The following RYR1 variants were observed in gnomAD, a reference collection of about 807,000 sequenced individuals.
The protein encoded by RYR1 is ryanodine receptor 1.
In RYR1, 342 loss-of-function variants were observed where a neutral mutation model predicts 583.5. The observed-to-expected ratio is 0.59, with a 90% CI of 0.54 to 0.64. The LOEUF (loss-of-function observed/expected upper bound fraction) is 0.64. Ranked by LOEUF, RYR1 falls within the 30% of genes least tolerant of loss-of-function variation. The pLI is 0.00. For missense variants in RYR1, 6,032 were observed against 6,917.2 expected (o/e 0.87, Z 4.54); for synonymous variants, 2,791 against 2,822.5 (o/e 0.99, Z 0.35).
At chr19:38,482,907 AT>A in intron 31 of RYR1, 119 bp from the exon 32 acceptor site, 1 of 888,270 alleles carries the variant, frequency 1.1e-6, no homozygotes, top group Non-Finnish European at 1.9e-6. Context: ...CCTCTGAGCC[AT>A]TTTGGAGCCT....
At chr19:38,569,077 C>T (rs1236479940) in intron 93 of RYR1, among the ~76,000 whole-genome samples, 1 of 152,000 alleles carries the variant, frequency 6.6e-6, no homozygotes, top group East Asian at 2.0e-4. Flanking sequence ...GTGGCACAAT[C>T]TCGGCTCACT....
chr19:38,569,115 A>G lies in RYR1; in HGVS notation c.13659+1198A>G, dbSNP rs373520003. Among the ~76,000 whole-genome samples the G allele has an allele frequency of 1.1e-3, 171 of 151,744 alleles. 2 individuals carry two copies. In the South Asian group the frequency reaches 0.023, roughly 20 times the overall value. ...AAGCTCTGACTCCTGGGTTCACGCCATTCTCCTGCCTCAGCCTCCCGAGTA... is the reference window on the plus strand; with the variant it reads ...AAGCTCTGACTCCTGGGTTCACGCCGTTCTCCTGCCTCAGCCTCCCGAGTA... On this transcript the variant is annotated intron_variant, in intron 93 of 105. Transcript: ENST00000359596.
At position 38,565,500 on chromosome 19, in the gene RYR1, A is replaced by ACGAGGTGCACGG; in HGVS notation, c.13171_13182dup (p.Val4391_Glu4394dup). 2.0e-6 allele frequency: 3 copies of ACGAGGTGCACGG among 1,505,194 alleles called. No individual in the cohort carries two copies. The highest frequency in any genetic ancestry group is 2.6e-6 in the Non-Finnish European group (3 of 1,134,548). The allele number at this position is 1,505,194 out of a possible 1,614,324, so 93.2% of individuals were successfully genotyped here. A position where few individuals can be genotyped will look rare whatever the true frequency, so the allele number is the denominator to read the frequency against. The stretch of plus-strand genomic sequence containing the variant: ...GCAGGCATGCCCGACCCCACCAGCG[A>ACGAGGTGCACGG]CGAGGTGCACGGCGAGCAGCCGGCC... On this transcript the variant is annotated inframe_insertion, in exon 91 of 106. Coordinates refer to ENST00000359596, the MANE Select transcript of RYR1 (RefSeq NM_000540.3). The surrounding 1 kb of genome is among the most constrained non-coding windows in gnomAD (Gnocchi z 4.7).
intron 31 of RYR1, among the ~76,000 whole-genome samples, chr19:38,481,697 G>C (rs1969018210): frequency 2.0e-5 from 3 of 152,038 alleles, no homozygotes; most frequent in Admixed American, 2.0e-4. Context: ...GAGGCAGGAG[G>C]ATCACCTGAG....
chr19:38,463,401 A>G (rs1967893052), intron 20 of RYR1, 22 bp from the exon 21 acceptor site: 1 of 1,607,872 alleles, frequency 6.2e-7, no homozygotes, highest in Non-Finnish European at 8.5e-7. Context: ...TTGGGGTCTC[A>G]AGAACGTCCC....
In RYR1 at chr19:38,496,670, A is replaced by T; in HGVS notation, c.6796+129A>T. 1 of 1,275,740 alleles carries T rather than the reference A, an allele frequency of 7.8e-7. No homozygotes were observed. The highest frequency in any genetic ancestry group is 1.1e-6 in the Non-Finnish European group (1 of 885,782). 79.0% of individuals were successfully genotyped at this position (1,275,740 alleles called of 1,614,324 possible). On this transcript the variant is annotated intron_variant, in intron 41 of 105. Coordinates refer to ENST00000359596, the MANE Select transcript of RYR1 (RefSeq NM_000540.3). This position sits in a 1 kb window ranked among gnomAD's most constrained non-coding sequence, Gnocchi z 4.8. ...CTCTCAACTGTGGTTCTGGCCCTGTAATGAGTAATGCTGGGGACACAATAG... is the reference window on the plus strand; with the variant it reads ...CTCTCAACTGTGGTTCTGGCCCTGTTATGAGTAATGCTGGGGACACAATAG...
chr19:38,525,540 G>A (rs1971431181), intron 71 of RYR1, 38 bp downstream of exon 71: 2 of 1,605,070 alleles, frequency 1.2e-6, no homozygotes, highest in South Asian at 2.2e-5. Context: ...CTTCCAGGAT[G>A]CCGCCCAGCA....
intron 9 of RYR1, 109 bp from the exon 10 acceptor site, chr19:38,448,246 A>G: frequency 7.9e-7 from 1 of 1,262,224 alleles, no homozygotes; most frequent in Non-Finnish European, 1.1e-6. Flanking sequence ...AGCTTGGGCA[A>G]CATAGCAAGA....
At chr19:38,461,721 GAAA>G (rs34209906) in intron 20 of RYR1, among the ~76,000 whole-genome samples, 2 of 75,104 alleles carry the variant, frequency 2.7e-5, no homozygotes, top group African/African-American at 5.3e-5. Flanking sequence ...GCAAAACCCT[GAAA>G]AAAAAAAAAA....
At chr19:38,458,340 G>A (rs1414314994) in intron 18 of RYR1, 48 bp downstream of exon 18, 1 of 1,579,262 alleles carries the variant, frequency 6.3e-7, no homozygotes, top group Admixed American at 1.7e-5. Context: ...ATTGACCCCA[G>A]CATTTCTAAG....
rs567160666 is a variant in RYR1, at chr19:38,507,490, G to A, written c.8817-222G>A. ...CGGGGAACAGAGGTGGGGCCAAAGG[G>A]GAGGAGGCTGAGAGGGGCCGGCCCT... is the stretch of plus-strand genomic sequence containing the variant. On this transcript the variant is annotated intron_variant, in intron 57 of 105. Transcript: ENST00000359596. Among the ~76,000 whole-genome samples, 13 of 150,930 alleles carry A rather than the reference G, an allele frequency of 8.6e-5. No homozygotes were observed. The East Asian group carries it at 1.6e-3, about 18-fold the overall frequency.
At chr19:38,547,548 G>T (rs890143965) in intron 88 of RYR1, among the ~76,000 whole-genome samples, 27 of 151,944 alleles carry the variant, frequency 1.8e-4, no homozygotes, top group African/African-American at 6.3e-4. Flanking sequence ...AGGTCATGCA[G>T]CTCTGAGTTC....
At chr19:38,574,435 TAGAG>T (rs1299995132) in intron 96 of RYR1, among the ~76,000 whole-genome samples, 3 of 150,100 alleles carry the variant, frequency 2.0e-5, no homozygotes, top group East Asian at 2.0e-4. Flanking sequence ...CTGGACAACA[TAGAG>T]AGACCTATAT....
Position 38,536,763 on chromosome 19 carries a change from G to T in RYR1, c.11604G>T (p.Gln3868His). ...VNEDGTVINR[Q>H]NGEKVMADDE... Reference sequence around the variant, plus strand: ...TGGCTGCCCCAGTCATCAATCGCCAGAACGGTAATTCCCCCAGCCCACCCC... The same window carrying T: ...TGGCTGCCCCAGTCATCAATCGCCATAACGGTAATTCCCCCAGCCCACCCC... Residue 3868 changes from glutamine to histidine, a missense_variant, in exon 83 of 106, where the codon CAG becomes CAT. Coordinates refer to ENST00000359596, the MANE Select transcript of RYR1 (RefSeq NM_000540.3). 1 of 1,613,740 alleles carries T rather than the reference G, an allele frequency of 6.2e-7. No individual in the cohort carries two copies. Among genetic ancestry groups the T allele is most frequent in the Middle Eastern group, 1.6e-4 (1 of 6,062 alleles).
intron 102 of RYR1, among the ~76,000 whole-genome samples, chr19:38,585,398 ATATATATGTGTTTATATATATT>A (rs1362641684): frequency 4.9e-4 from 73 of 147,526 alleles, no homozygotes; most frequent in Non-Finnish European, 8.5e-4. Flanking sequence ...GTTTATTTAT[ATATATATGTGTTTATATATATT>A]TATATATGTG....
In RYR1 at chr19:38,505,906, C is replaced by T. The variant is rs555470100; in HGVS notation, c.8501C>T (p.Thr2834Met). The change falls in exon 54 of 106, where the codon ACG (threonine) becomes ATG (methionine). Residue 2834 changes from threonine (T) to methionine (M), a missense_variant. Coordinates refer to ENST00000359596, the MANE Select transcript of RYR1 (RefSeq NM_000540.3). ...GCCAGGGAGGGTGAGGAGGAGAAGA[C>T]GGAAAAGAAAAAAACGCGGAAGATA... ...EKAREGEEEK[T>M]EKKKTRKISQ... 6 of 1,612,764 alleles carry T rather than the reference C, an allele frequency of 3.7e-6. No homozygotes were observed. The African/African-American group carries it at 4.0e-5, about 11-fold the overall frequency.
Position 38,561,342 on chromosome 19 carries a change from A to G in RYR1, c.12512A>G (p.Glu4171Gly). The change falls in exon 90 of 106, where the codon GAG (glutamate) becomes GGG (glycine). Residue 4171 changes from glutamate to glycine, a missense_variant. Coordinates refer to ENST00000359596, the MANE Select transcript of RYR1 (RefSeq NM_000540.3). This position sits in a 1 kb window ranked among gnomAD's most constrained non-coding sequence, Gnocchi z 4.8. ...CTGGAGCTGGCCGAGAGCATCCTTG[A>G]GTACTTCCGCCCCTACCTGGGCCGC... ...NFLELAESIL[E>G]YFRPYLGRIE... 1 of 1,613,958 alleles carries G rather than the reference A, an allele frequency of 6.2e-7. No individual in the cohort carries two copies. The highest frequency in any genetic ancestry group is 8.5e-7 in the Non-Finnish European group (1 of 1,180,026).
chr19:38,542,401 C>T (rs1384775829), intron 84 of RYR1, among the ~76,000 whole-genome samples: 1 of 152,108 alleles, frequency 6.6e-6, no homozygotes, highest in Admixed American at 6.6e-5. Context: ...CTATTTCTCC[C>T]TGCTACATAG....
intron 23 of RYR1, among the ~76,000 whole-genome samples, chr19:38,465,437 C>T (rs771337489): frequency 3.2e-4 from 49 of 152,110 alleles, no homozygotes; most frequent in Non-Finnish European, 5.3e-4. Context: ...CACCGCACTC[C>T]AGCCTGGGTG....
Sources: gnomAD v4.1 joint callset for allele counts (sites outside exome capture counted in the v4.1 genomes callset) on GRCh38, gnomAD v4.1.1 for gene constraint, Gnocchi (gnomAD v3.1) non-coding constraint, MANE v1.5 for transcripts, NCBI Gene and HGNC (gene_info 2026-07-23, HGNC 2026-07-21) for gene names.